Variants in TOPAZ1 observed in about 807,000 individuals in gnomAD.
TOPAZ1 encodes protein TOPAZ1.
In TOPAZ1, 66 loss-of-function variants were observed where a neutral mutation model predicts 172.2. That is an observed-to-expected ratio of 0.38 (90% CI 0.31 to 0.47). The LOEUF (loss-of-function observed/expected upper bound fraction) is 0.47, where lower values mean the gene tolerates loss of function less well. Among genes scored for constraint, TOPAZ1 ranks in the 20% least tolerant of loss-of-function variants. TOPAZ1 has a pLI of 0.99. For synonymous variants in TOPAZ1, 681 were observed against 683.9 expected (o/e 1.00, Z 0.07); for missense variants, 1,822 against 1,972.4 (o/e 0.92, Z 1.44).
intron 9 of TOPAZ1, among the ~76,000 whole-genome samples, chr3:44,283,381 G>A (rs1700043349): frequency 6.6e-6 from 1 of 152,066 alleles, no homozygotes; most frequent in Non-Finnish European, 1.5e-5. Context: ...AGAATGATAA[G>A]ATAACTAGAT....
intron 8 of TOPAZ1, among the ~76,000 whole-genome samples, chr3:44,274,075 T>A (rs952902385): frequency 3.3e-5 from 5 of 150,996 alleles, no homozygotes; most frequent in Non-Finnish European, 5.9e-5. Context: ...AGGTCAGGAG[T>A]TCAAGATCAG....
rs114599030 is a variant in TOPAZ1, at chr3:44,328,497, G to A, written c.4859+64G>A. The A allele has an allele frequency of 1.5e-5, 13 of 889,474 alleles. 1 individual carries two copies. In the Middle Eastern group the frequency reaches 2.9e-3, roughly 196 times the overall value. The allele number at this position is 889,474 out of a possible 1,614,324, so 55.1% of individuals were successfully genotyped here. ...TCATGACTCCCCACACCCACCCTAA[G>A]ATGTAAATGTTTTATGTGTTTTTAT... is the stretch of plus-strand genomic sequence containing the variant. On this transcript the variant is annotated intron_variant, in intron 19 of 19. Transcript: ENST00000309765.
chr3:44,330,221 A>G lies in TOPAZ1; in HGVS notation c.4860-1571A>G, dbSNP rs114917335. 5.7e-3 allele frequency among the ~76,000 whole-genome samples: 867 copies of G among 152,244 alleles called. 3 individuals carry two copies. Among genetic ancestry groups the G allele is most frequent in the Non-Finnish European group, 9.1e-3 (619 of 68,012 alleles). On this transcript the variant is annotated intron_variant, in intron 19 of 19. Transcript: ENST00000309765. ...AGGGCTTCCTTATTTACCACTGTGC[A>G]CTATGGTGGATAAGGCATCTAGGCT...
chr3:44,331,724 A>G, intron 19 of TOPAZ1, 68 bp from the exon 20 acceptor site: 2 of 1,189,494 alleles, frequency 1.7e-6, no homozygotes, highest in Non-Finnish European at 2.4e-6. Context: ...AATGTAAATG[A>G]CTATCTTTTG....
intron 12 of TOPAZ1, among the ~76,000 whole-genome samples, chr3:44,292,804 C>A (rs549306644): frequency 1.9e-4 from 29 of 152,284 alleles, no homozygotes; most frequent in African/African-American, 7.0e-4. Flanking sequence ...CATTCCAGAG[C>A]TTCTCTTCTG....
rs1263979997 is a variant in TOPAZ1 at position 44,290,844 on chromosome 3, C to T, written c.3755C>T (p.Ala1252Val). 3 of 1,549,540 alleles carry T rather than the reference C, an allele frequency of 1.9e-6. No homozygotes were observed. The highest frequency in any genetic ancestry group is 2.4e-5 in the East Asian group (1 of 40,820). The change falls in exon 12 of 20, where the codon GCT (alanine) becomes GTT (valine). Residue 1252 changes from alanine to valine, a missense_variant. Transcript: ENST00000309765. Reference sequence around the variant, plus strand: ...GTTAAGCTTTTATACCAAGTACAAGCTTCCAAACAAGAAATAACTGCAGTT... The same window carrying T: ...GTTAAGCTTTTATACCAAGTACAAGTTTCCAAACAAGAAATAACTGCAGTT... ...YIVKLLYQVQ[A>V]SKQEITAVLE...
At chr3:44,334,929 G>C (rs1161337363), downstream of TOPAZ1, among the ~76,000 whole-genome samples, 1 of 152,164 alleles carries the variant, frequency 6.6e-6, no homozygotes, top group East Asian at 1.9e-4. Flanking sequence ...ACTTGTGCTA[G>C]TTTTTGCGAT....
At position 44,254,627 on chromosome 3, in the gene TOPAZ1, CAAAAAA is replaced by C. The variant is rs10579109; in HGVS notation, c.2766-325_2766-320del. On this transcript the variant is annotated intron_variant, in intron 2 of 19. Transcript: ENST00000309765. ...GGGCAACAAGAGCGAAACTCCGTCTCAAAAAAAAAAAAAAAAAAAAAGAGTAGAAGT... is the reference window on the plus strand; with the variant it reads ...GGGCAACAAGAGCGAAACTCCGTCTCAAAAAAAAAAAAAAAGAGTAGAAGT... 9.6e-5 allele frequency among the ~76,000 whole-genome samples: 8 copies of C among 83,204 alleles called. No homozygotes were observed. The East Asian group carries it at 1.3e-3, about 14-fold the overall frequency. 54.6% of individuals were successfully genotyped at this position (83,204 alleles called of 152,430 possible). A position where few individuals can be genotyped will look rare whatever the true frequency, so the allele number is the denominator to read the frequency against.
intron 12 of TOPAZ1, among the ~76,000 whole-genome samples, chr3:44,293,508 A>C (rs1700162650): frequency 1.3e-5 from 2 of 152,322 alleles, no homozygotes; most frequent in East Asian, 1.9e-4. Flanking sequence ...TTTGTGTCTT[A>C]GTTTTTAACA....
chr3:44,327,359 G>A (rs1213287517), intron 18 of TOPAZ1, among the ~76,000 whole-genome samples: 1 of 150,146 alleles, frequency 6.7e-6, no homozygotes, highest in Non-Finnish European at 1.5e-5. Flanking sequence ...ATATAAAATT[G>A]CCTATATATA....
intron 17 of TOPAZ1, among the ~76,000 whole-genome samples, chr3:44,321,987 A>C (rs1246726169): frequency 5.9e-5 from 9 of 152,166 alleles, no homozygotes; most frequent in African/African-American, 9.7e-5. Context: ...GAAGACCCTA[A>C]ATGTCAGGCT....
At chr3:44,263,984 C>T (rs1328086486) in intron 5 of TOPAZ1, among the ~76,000 whole-genome samples, 1 of 152,200 alleles carries the variant, frequency 6.6e-6, no homozygotes, top group Non-Finnish European at 1.5e-5. Flanking sequence ...AGAGAAAGCA[C>T]TCAAATGCCT....
At position 44,242,257 on chromosome 3, in the gene TOPAZ1, G is replaced by A. The variant is rs754200498; in HGVS notation, c.204G>A (p.Ser68=). 2.6e-6 allele frequency: 4 copies of A among 1,549,144 alleles called. No homozygotes were observed. In the South Asian group the frequency reaches 4.8e-5, roughly 18 times the overall value. Residue 68 remains serine, a synonymous_variant, in exon 1 of 20, where the codon TCG becomes TCA. Coordinates refer to ENST00000309765, the MANE Select transcript of TOPAZ1 (RefSeq NM_001145030.2). ...GAGGCGAGGTGGAAAGTGATAAGTC[G>A]GTTGCAGCATCAGGGGCTGGAAAGG... ...PGRGEVESDK[S]VAASGAGKAA...
At chr3:44,278,978 A>G (rs1024620620) in intron 8 of TOPAZ1, among the ~76,000 whole-genome samples, 1 of 151,578 alleles carries the variant, frequency 6.6e-6, no homozygotes, top group Non-Finnish European at 1.5e-5. Context: ...AATGCTATAA[A>G]CTTCCCTTTT....
In TOPAZ1 at chr3:44,241,999, G is replaced by A. The variant is rs1699481777; in HGVS notation, c.-55G>A. On this transcript the variant is annotated 5_prime_UTR_variant, in exon 1 of 20. Transcript: ENST00000309765. ...CAGGCGGGAGCAGCGTTTGCACCGC[G>A]GTGGGTTCCTGCGAGCTGGTGCAGA... 14 of 1,485,568 alleles carry A rather than the reference G, an allele frequency of 9.4e-6. No homozygotes were observed. Among genetic ancestry groups the A allele is most frequent in the East Asian group, 7.4e-5 (3 of 40,434 alleles). The allele number at this position is 1,485,568 out of a possible 1,614,324, so 92.0% of individuals were successfully genotyped here.
chr3:44,243,418 A>G lies in TOPAZ1; in HGVS notation c.912A>G (p.Lys304=), dbSNP rs777113245. Reference sequence around the variant, plus strand: ...AAGAGAGTGATTTATACCAAAGTAAAACCAATGGCTTGCTTTCCTGCCTTC... The same window carrying G: ...AAGAGAGTGATTTATACCAAAGTAAGACCAATGGCTTGCTTTCCTGCCTTC... ...LPEESDLYQS[K]TNGLLSCLQH... The change falls in exon 2 of 20, where the codon AAA becomes AAG. Residue 304 remains lysine, a synonymous_variant. Transcript: ENST00000309765. 1.9e-6 allele frequency: 3 copies of G among 1,551,630 alleles called. No individual in the cohort carries two copies. Among genetic ancestry groups the G allele is most frequent in the Non-Finnish European group, 2.6e-6 (3 of 1,146,928 alleles).
rs1201456335 is a variant in TOPAZ1 at position 44,269,223 on chromosome 3, A to G, written c.3168A>G (p.Arg1056=). The change falls in exon 7 of 20, where the codon AGA becomes AGG. Residue 1056 remains arginine, a synonymous_variant. Coordinates refer to ENST00000309765, the MANE Select transcript of TOPAZ1 (RefSeq NM_001145030.2). ...TILNTWMNDF[R]FLGKHSVLKL... is the part of the protein sequence containing the mutation. Reference sequence around the variant, plus strand: ...ACTCTAAATCATTTCTAGATTTCAGATTTCTGGGAAAACATTCTGTCCTAA... The same window carrying G: ...ACTCTAAATCATTTCTAGATTTCAGGTTTCTGGGAAAACATTCTGTCCTAA... 1.9e-6 allele frequency: 3 copies of G among 1,543,320 alleles called. No homozygotes were observed. The African/African-American group carries it at 4.1e-5, about 21-fold the overall frequency.
rs1260373959 is a variant in TOPAZ1 at position 44,332,081 on chromosome 3, TAGAC to T, written c.*73_*76del. ...TGTTGAAAATAAAAGGCAATAAAAA[TAGAC>T]AGTTTTCACTATATTCAGCTCTTTG... is the stretch of plus-strand genomic sequence containing the variant. On this transcript the variant is annotated 3_prime_UTR_variant, in exon 20 of 20. Transcript: ENST00000309765. The T allele has an allele frequency of 2.7e-6, 3 of 1,117,294 alleles. No homozygotes were observed. The highest frequency in any genetic ancestry group is 2.7e-5 in the Admixed American group (1 of 36,938). The allele number at this position is 1,117,294 out of a possible 1,614,324, so 69.2% of individuals were successfully genotyped here. A position where few individuals can be genotyped will look rare whatever the true frequency, so the allele number is the denominator to read the frequency against.
At chr3:44,264,050 G>A (rs1486812539) in intron 5 of TOPAZ1, among the ~76,000 whole-genome samples, 1 of 152,098 alleles carries the variant, frequency 6.6e-6, no homozygotes, top group African/African-American at 2.4e-5. Flanking sequence ...TCATTTAATT[G>A]CATTATCAGT....
Sources: gnomAD v4.1 joint callset for allele counts (sites outside exome capture counted in the v4.1 genomes callset) on GRCh38, gnomAD v4.1.1 for gene constraint, MANE v1.5 for transcripts, NCBI Gene and HGNC (gene_info 2026-07-23, HGNC 2026-07-21) for gene names.